The following CHTF18 variants were observed in gnomAD, a reference collection of about 807,000 sequenced individuals.
CHTF18 encodes the protein chromosome transmission fidelity factor 18, also known as chromosome transmission fidelity protein 18 homolog.
A neutral mutation model predicts 113.4 loss-of-function variants in CHTF18; 151 were observed. That is an observed-to-expected ratio of 1.33 (90% CI 1.17 to 1.52). The LOEUF (loss-of-function observed/expected upper bound fraction) is 1.52, where lower values mean the gene tolerates loss of function less well. CHTF18 is among the 40% of genes most tolerant of loss of function. The pLI, the probability that CHTF18 is intolerant of heterozygous loss-of-function variation, is 0.00. For missense variants in CHTF18, 1,982 were observed against 1,381.6 expected (o/e 1.43, Z -6.89); for synonymous variants, 916 against 598.8 (o/e 1.53, Z -7.74).
intron 18 of CHTF18, among the ~76,000 whole-genome samples, chr16:796,343 T>A (rs1400760675): frequency 6.6e-6 from 1 of 151,780 alleles, no homozygotes; most frequent in Admixed American, 6.6e-5. Flanking sequence ...GCCCCGAGAG[T>A]GACTGCACTT....
rs1487378688 is a variant in CHTF18 at position 796,863 on chromosome 16, T to G, written c.2601+2T>G. On this transcript the variant is annotated splice_donor_variant, in intron 19 of 21. Transcript: ENST00000262315. LOFTEE classifies it high-confidence loss of function. Reference sequence around the variant, plus strand: ...GCCCGGGTAGAGAACAGCCCCCAGGTGAGCCCACCCAGGCTCTGGAGCAGG... The same window carrying G: ...GCCCGGGTAGAGAACAGCCCCCAGGGGAGCCCACCCAGGCTCTGGAGCAGG... The G allele has an allele frequency of 1.9e-6, 3 of 1,591,958 alleles. No homozygotes were observed. In the South Asian group the frequency reaches 3.4e-5, roughly 18 times the overall value.
At chr16:793,310 C>T (rs769367819) in intron 14 of CHTF18, 36 bp downstream of exon 14, 33 of 1,599,948 alleles carry the variant, frequency 2.1e-5, no homozygotes, top group African/African-American at 6.7e-5. Context: ...CAGATGCTCA[C>T]GGTGCCCGGA....
rs1023514343 is a variant in CHTF18, at chr16:793,017, T to C, written c.1624T>C (p.Cys542Arg). 3 of 1,547,616 alleles carry C rather than the reference T, an allele frequency of 1.9e-6. No homozygotes were observed. In the African/African-American group the frequency reaches 4.1e-5, roughly 21 times the overall value. ...CGACCCAGGGGTGCTGGCCGCCCTCTGTGAGAAAACTGACAATGACATCCG... is the reference window on the plus strand; with the variant it reads ...CGACCCAGGGGTGCTGGCCGCCCTCCGTGAGAAAACTGACAATGACATCCG... ...RADPGVLAAL[C>R]EKTDNDIRAC... is the part of the protein sequence containing the mutation. The change falls in exon 13 of 22, where the codon TGT (cysteine) becomes CGT (arginine). Residue 542 changes from cysteine to arginine, a missense_variant. Physicochemically the swap from Cys to Arg is radical, Grantham distance 180. Coordinates refer to ENST00000262315, the MANE Select transcript of CHTF18 (RefSeq NM_022092.3).
chr16:789,652 A>G lies in CHTF18; in HGVS notation c.543A>G (p.Thr181=). ...TCTTGGAGGACTACGTCCACGTGACATCCACGGAGGGCGTCCGGGCTTATC... is the reference window on the plus strand; with the variant it reads ...TCTTGGAGGACTACGTCCACGTGACGTCCACGGAGGGCGTCCGGGCTTATC... ...PPILEDYVHV[T]STEGVRAYLV... The change falls in exon 4 of 22, where the codon ACA becomes ACG. Residue 181 remains threonine, a synonymous_variant. Transcript: ENST00000262315. 20 of 1,605,936 alleles carry G rather than the reference A, an allele frequency of 1.2e-5. No homozygotes were observed. Among genetic ancestry groups the G allele is most frequent in the Non-Finnish European group, 1.6e-5 (19 of 1,179,704 alleles).
In CHTF18 at chr16:796,249, C is replaced by T. The variant is rs555043152; in HGVS notation, c.2456+172C>T. Among the ~76,000 whole-genome samples, 11 of 152,368 alleles carry T rather than the reference C, an allele frequency of 7.2e-5. No individual in the cohort carries two copies. In the South Asian group the frequency reaches 2.1e-3, roughly 29 times the overall value. ...AACCGTGAAGGGGGGTCACTTCCAG[C>T]TACTTGAGATTGGCTCTGGGACCTG... On this transcript the variant is annotated intron_variant, in intron 18 of 21. Coordinates refer to ENST00000262315, the MANE Select transcript of CHTF18 (RefSeq NM_022092.3).
rs1251705380 is a variant in CHTF18, at chr16:791,507, G to A, written c.1104+137G>A. On this transcript the variant is annotated intron_variant, in intron 8 of 21. Coordinates refer to ENST00000262315, the MANE Select transcript of CHTF18 (RefSeq NM_022092.3). ...GGTCTTGGCGTGAAGCGCCATTAGCGTGAGTTAGAACTGGAGCGTTGCAGT... is the reference window on the plus strand; with the variant it reads ...GGTCTTGGCGTGAAGCGCCATTAGCATGAGTTAGAACTGGAGCGTTGCAGT... The A allele has an allele frequency of 6.9e-6, 10 of 1,443,056 alleles. No individual in the cohort carries two copies. The Admixed American group carries it at 1.3e-4, about 19-fold the overall frequency. The allele number at this position is 1,443,056 out of a possible 1,614,324, so 89.4% of individuals were successfully genotyped here.
rs1432333314 is a variant in CHTF18, at chr16:796,090, G to C, written c.2456+13G>C. The C allele has an allele frequency of 6.3e-7, 1 of 1,594,416 alleles. No homozygotes were observed. Among genetic ancestry groups the C allele is most frequent in the Non-Finnish European group, 8.5e-7 (1 of 1,171,678 alleles). On this transcript the variant is annotated intron_variant, in intron 18 of 21. Coordinates refer to ENST00000262315, the MANE Select transcript of CHTF18 (RefSeq NM_022092.3). The stretch of plus-strand genomic sequence containing the variant: ...ACAGGCTGGAGCCGTGAGTCCCCCA[G>C]TGCCTGGGGTGTGCTCCAGGGTCAT...
chr16:789,547 A>C lies in CHTF18; in HGVS notation c.438A>C (p.Gly146=), dbSNP rs754784774. The C allele has an allele frequency of 6.3e-7, 1 of 1,597,416 alleles. No homozygotes were observed. Among genetic ancestry groups the C allele is most frequent in the Non-Finnish European group, 8.5e-7 (1 of 1,172,370 alleles). The change falls in exon 4 of 22, where the codon GGA becomes GGC. Residue 146 remains glycine, a splice_region_variant and synonymous_variant. Coordinates refer to ENST00000262315, the MANE Select transcript of CHTF18 (RefSeq NM_022092.3). ...CCACTGAGCCCCGGTCTCTCTCCAG[A>C]GTCTCAGAAGCTGCTGCCGACGTGG... ...PEDLAELWGH[G]VSEAAADVGL...
Position 792,204 on chromosome 16 carries a change from C to T in CHTF18, c.1203-20C>T, listed in dbSNP as rs1367596312. The T allele has an allele frequency of 4.9e-5, 77 of 1,565,084 alleles. No individual in the cohort carries two copies. The highest frequency in any genetic ancestry group is 1.7e-4 in the Middle Eastern group (1 of 5,990). On this transcript the variant is annotated intron_variant, in intron 9 of 21. Coordinates refer to ENST00000262315, the MANE Select transcript of CHTF18 (RefSeq NM_022092.3). ...CAGGGACGCCCACTGCCCTGACGAC[C>T]CCTGACCTCCCCATTGCAGTGACGA...
Position 793,127 on chromosome 16 carries a change from C to T in CHTF18, c.1672-17C>T, listed in dbSNP as rs2042247150. On this transcript the variant is annotated splice_polypyrimidine_tract_variant and intron_variant, in intron 13 of 21. Transcript: ENST00000262315. Reference sequence around the variant, plus strand: ...GTCAGGAGTTGGCCGCTTCTCATGCCCCCGCCCTATGTCTAGTTCCTGTAC... The same window carrying T: ...GTCAGGAGTTGGCCGCTTCTCATGCTCCCGCCCTATGTCTAGTTCCTGTAC... The T allele has an allele frequency of 1.3e-6, 2 of 1,586,434 alleles. No individual in the cohort carries two copies. Among genetic ancestry groups the T allele is most frequent in the South Asian group, 1.1e-5 (1 of 87,052 alleles).
At position 789,278 on chromosome 16, in the gene CHTF18, G is replaced by T. The variant is rs1445476847; in HGVS notation, c.355G>T (p.Glu119Ter). ...GAACTTCAGATCGGAGGAGATGGAG[G>T]AGCCGCCCCCTCCCGACTCCTCGCC... is the stretch of plus-strand genomic sequence containing the variant. Reference protein sequence around the residue: ...RLNFRSEEMEEPPPPDSSPTD... With the variant: ...RLNFRSEEME The change falls in exon 3 of 22, where the codon GAG (glutamate) becomes TAG (stop). Residue 119 changes from glutamate (E) to a stop codon, truncating the protein, a stop_gained. Transcript: ENST00000262315. LOFTEE classifies it high-confidence loss of function. 4 of 1,576,444 alleles carry T rather than the reference G, an allele frequency of 2.5e-6. No homozygotes were observed. The highest frequency in any genetic ancestry group is 1.8e-5 in the Admixed American group (1 of 54,800).
intron 16 of CHTF18, 107 bp from the exon 17 acceptor site, chr16:795,578 G>A (rs1246940025): frequency 2.6e-5 from 1 of 38,150 alleles, no homozygotes; most frequent in Non-Finnish European, 3.8e-5. Flanking sequence ...CCCCGGCCCC[G>A]TGCCCGCCCC....
At chr16:790,429 A>G (rs1170999743) in intron 6 of CHTF18, 30 bp downstream of exon 6, 9 of 1,611,702 alleles carry the variant, frequency 5.6e-6, no homozygotes, top group Non-Finnish European at 7.6e-6. Context: ...CGCCCTGGGG[A>G]CCCTTGTTGG....
At chr16:790,836 A>G (rs2042177375) in intron 7 of CHTF18, 170 bp downstream of exon 7, 6 of 1,431,656 alleles carry the variant, frequency 4.2e-6, no homozygotes, top group Non-Finnish European at 5.5e-6. Flanking sequence ...GCTGTGTGCT[A>G]CTGGTCCCCT....
In CHTF18 at chr16:792,327, G is replaced by C. The variant is rs761920314; in HGVS notation, c.1306G>C (p.Glu436Gln). Residue 436 changes from glutamate (E) to glutamine (Q), a missense_variant, in exon 10 of 22, where the codon GAG (glutamate) becomes CAG (glutamine). Transcript: ENST00000262315. Reference sequence around the variant, plus strand: ...GAAGCCCAACTGCCTGGTCATCGATGAGATCGACGGGGCCCCCGTGGTGGG... The same window carrying C: ...GAAGCCCAACTGCCTGGTCATCGATCAGATCGACGGGGCCCCCGTGGTGGG... ...GGKPNCLVID[E>Q]IDGAPVAAIN... is the part of the protein sequence containing the mutation. The C allele has an allele frequency of 6.4e-6, 10 of 1,553,006 alleles. No homozygotes were observed. Among genetic ancestry groups the C allele is most frequent in the East Asian group, 4.9e-5 (2 of 40,992 alleles).
rs1335293698 is a variant in CHTF18 at position 795,263 on chromosome 16, G to C, written c.2082G>C (p.Leu694=). The C allele has an allele frequency of 1.7e-5, 27 of 1,549,144 alleles. No homozygotes were observed. The highest frequency in any genetic ancestry group is 2.3e-5 in the Non-Finnish European group (26 of 1,146,822). Residue 694 remains leucine (L), a synonymous_variant, in exon 16 of 22, where the codon CTG becomes CTC. Coordinates refer to ENST00000262315, the MANE Select transcript of CHTF18 (RefSeq NM_022092.3). ...GAAHHSQSFQ[L]LRYPPFLPVA... ...CTCATCACAGCCAGAGCTTCCAGCT[G>C]CTGCGCTACCCACCCTTCCTGCCCG...
At chr16:789,164 C>A (rs774140715) in intron 2 of CHTF18, 39 bp downstream of exon 2, 1 of 1,549,850 alleles carries the variant, frequency 6.5e-7, no homozygotes. Flanking sequence ...CCGGAGTGGG[C>A]GCGAGGCTGA....
Position 796,764 on chromosome 16 carries a change from C to G in CHTF18, c.2504C>G (p.Pro835Arg). 1 of 1,608,620 alleles carries G rather than the reference C, an allele frequency of 6.2e-7. No individual in the cohort carries two copies. The highest frequency in any genetic ancestry group is 8.5e-7 in the Non-Finnish European group (1 of 1,179,588). Residue 835 changes from proline (P) to arginine (R), a missense_variant, in exon 19 of 22, where the codon CCC (proline) becomes CGC (arginine). Physicochemically the swap from Pro to Arg is moderately radical, Grantham distance 103. Transcript: ENST00000262315. ...TTCCCTGAGCTGCCTGCCCGCAAGC[C>G]CCTCACCTACCAGACGAAGCAGCTC... The part of the protein sequence containing the change: ...CRFPELPARK[P>R]LTYQTKQLIA...
At chr16:793,646 T>G (rs749128485) in intron 14 of CHTF18, 223 of 525,508 alleles carry the variant, frequency 4.2e-4, no homozygotes, top group Non-Finnish European at 6.9e-4. Flanking sequence ...CTGCTTGGCC[T>G]CCCGTGGGCA....
Sources: allele counts gnomAD v4.1 joint callset (sites outside exome capture counted in the v4.1 genomes callset), GRCh38; gene constraint gnomAD v4.1.1; transcripts MANE v1.5; gene names NCBI Gene and HGNC (gene_info 2026-07-23, HGNC 2026-07-21).